Variants in CWC22 observed in about 807,000 individuals in gnomAD.
The protein encoded by CWC22 is CWC22 spliceosome associated protein.
A neutral mutation model predicts 117.2 loss-of-function variants in CWC22; 53 were observed. The observed-to-expected ratio is 0.45, with a 90% CI of 0.36 to 0.57. The LOEUF is 0.57. Ranked by LOEUF, CWC22 falls within the 20% of genes least tolerant of loss-of-function variation. The pLI is 0.00. For missense variants in CWC22, 980 were observed against 1,068.8 expected, an observed-to-expected ratio of 0.92 and a Z score of 1.16; for synonymous variants, 360 against 355.6, an observed-to-expected ratio of 1.01 and a Z score of -0.14.
intron 1 of CWC22, among the ~76,000 whole-genome samples, chr2:180,004,818 TGGAGGTA>T (rs1477854816): frequency 6.6e-6 from 1 of 151,854 alleles, no homozygotes; most frequent in African/African-American, 2.4e-5. Flanking sequence ...AAAAAGTGAT[TGGAGGTA>T]CCCTATCCAA....
intron 1 of CWC22, among the ~76,000 whole-genome samples, chr2:180,000,760 G>A (rs1163115479): frequency 6.6e-6 from 1 of 152,012 alleles, no homozygotes; most frequent in African/African-American, 2.4e-5. Context: ...CTGCAACTCT[G>A]TGTGGAGAGT....
intron 4 of CWC22, among the ~76,000 whole-genome samples, chr2:179,984,643 G>GA (rs978313916): frequency 7.9e-5 from 12 of 151,968 alleles, no homozygotes; most frequent in African/African-American, 2.9e-4. Flanking sequence ...TGAGAGTCAA[G>GA]TTTTAGAAAC....
In CWC22 at chr2:179,955,037, A is replaced by AT; in HGVS notation, c.1459-4dup. 1.3e-6 allele frequency: 2 copies of AT among 1,581,338 alleles called. No homozygotes were observed. Among genetic ancestry groups the AT allele is most frequent in the Non-Finnish European group, 1.7e-6 (2 of 1,158,960 alleles). The stretch of plus-strand genomic sequence containing the variant: ...AGTATCATGTTGCAGAGTTCTTTCT[A>AT]TTTGGGAAAAAAAATACATTAATGA... On this transcript the variant is annotated splice_region_variant and splice_polypyrimidine_tract_variant and intron_variant, in intron 14 of 19. Coordinates refer to ENST00000410053, the MANE Select transcript of CWC22 (RefSeq NM_020943.3).
chr2:179,970,303 A>G (rs1686998567), intron 11 of CWC22, among the ~76,000 whole-genome samples, 198 bp downstream of exon 11: 1 of 152,152 alleles, frequency 6.6e-6, no homozygotes, highest in African/African-American at 2.4e-5. Flanking sequence ...CAATGGGGTA[A>G]GTAATTCAGA....
At chr2:179,996,842 G>A (rs998323516) in intron 1 of CWC22, among the ~76,000 whole-genome samples, 5 of 134,276 alleles carry the variant, frequency 3.7e-5, no homozygotes, top group African/African-American at 1.4e-4. Context: ...AAAAAAAAAA[G>A]TTAACGTAGA....
intron 1 of CWC22, among the ~76,000 whole-genome samples, chr2:180,005,254 A>G (rs1227319649): frequency 6.6e-6 from 1 of 152,216 alleles, no homozygotes; most frequent in Admixed American, 6.5e-5. Context: ...GAGTTGGGAA[A>G]GACTCCATTA....
At chr2:179,961,615 T>C (rs1686751902) in intron 13 of CWC22, among the ~76,000 whole-genome samples, 1 of 152,012 alleles carries the variant, frequency 6.6e-6, no homozygotes, top group Admixed American at 6.6e-5. Context: ...AAATTAGTAC[T>C]GAGACAAAAT....
rs1687615278 is a variant in CWC22, at chr2:179,993,243, A to G, written c.27+72T>C. The G allele has an allele frequency of 3.2e-5, 35 of 1,100,364 alleles. 1 individual carries two copies. In the South Asian group the frequency reaches 4.3e-4, roughly 14 times the overall value. 68.2% of individuals were successfully genotyped at this position (1,100,364 alleles called of 1,614,324 possible). ...TGGCTCTGATGTCCTAATTACATAA[A>G]TGCATTTATATTTAAAGAATAGGTA... On this transcript the variant is annotated intron_variant, in intron 2 of 19. Coordinates refer to ENST00000410053, the MANE Select transcript of CWC22 (RefSeq NM_020943.3).
At chr2:179,986,901 T>C (rs1687432835) in intron 3 of CWC22, 96 bp from the exon 4 acceptor site, 1 of 587,492 alleles carries the variant, frequency 1.7e-6, no homozygotes, top group Non-Finnish European at 2.9e-6. Flanking sequence ...AGCAACTCTA[T>C]GACTGAACAA....
chr2:179,974,305 C>T (rs974877799), intron 6 of CWC22, among the ~76,000 whole-genome samples: 11 of 152,096 alleles, frequency 7.2e-5, no homozygotes, highest in Admixed American at 6.6e-4. Context: ...ATGTGGAATA[C>T]TCCTGTGAGA....
intron 1 of CWC22, among the ~76,000 whole-genome samples, chr2:180,005,884 G>A (rs1368263304): frequency 6.6e-6 from 1 of 152,166 alleles, no homozygotes; most frequent in Non-Finnish European, 1.5e-5. Flanking sequence ...CCTAATAATA[G>A]CTGGATAAAA....
intron 13 of CWC22, among the ~76,000 whole-genome samples, chr2:179,961,681 T>G (rs1686754225): frequency 6.6e-6 from 1 of 152,010 alleles, no homozygotes; most frequent in Non-Finnish European, 1.5e-5. Flanking sequence ...ACTACTTTTC[T>G]TTTATCTACT....
chr2:180,004,305 CT>C (rs1327786436), intron 1 of CWC22, among the ~76,000 whole-genome samples: 1 of 152,176 alleles, frequency 6.6e-6, no homozygotes, highest in African/African-American at 2.4e-5. Context: ...ACTGTGTTGT[CT>C]TTTGGGTGGT....
chr2:179,970,248 G>C (rs1425302322), intron 11 of CWC22, among the ~76,000 whole-genome samples: 2 of 152,130 alleles, frequency 1.3e-5, no homozygotes, highest in Non-Finnish European at 1.5e-5. Flanking sequence ...TCTTAAGATG[G>C]GTGAGACGTA....
At chr2:179,978,368 G>T (rs200107463) in intron 5 of CWC22, 50 bp from the exon 6 acceptor site, 118 of 1,379,900 alleles carry the variant, frequency 8.6e-5, no homozygotes, top group Non-Finnish European at 9.8e-5. Context: ...ACAATAATAA[G>T]AAGCTATAAG....
intron 5 of CWC22, among the ~76,000 whole-genome samples, chr2:179,981,534 A>T (rs1008850072): frequency 2.6e-5 from 4 of 152,182 alleles, no homozygotes; most frequent in Non-Finnish European, 5.9e-5. Context: ...TTTTTAATTC[A>T]TTCATGCAAA....
chr2:179,987,100 A>G (rs371114037), intron 3 of CWC22, among the ~76,000 whole-genome samples: 140 of 152,184 alleles, frequency 9.2e-4, no homozygotes, highest in African/African-American at 3.2e-3. Flanking sequence ...TATCATATAT[A>G]GTTAGCATGA....
In CWC22 at chr2:179,964,877, T is replaced by C. The variant is rs555224790; in HGVS notation, c.1316-249A>G. Among the ~76,000 whole-genome samples the C allele has an allele frequency of 2.0e-5, 3 of 152,312 alleles. No individual in the cohort carries two copies. In the East Asian group the frequency reaches 5.8e-4, roughly 29 times the overall value. On this transcript the variant is annotated intron_variant, in intron 12 of 19. Coordinates refer to ENST00000410053, the MANE Select transcript of CWC22 (RefSeq NM_020943.3). ...GAAAACTATTTTTGTTTATCTGTTATCTGCTCATTTAGACACTATAAAAGG... is the reference window on the plus strand; with the variant it reads ...GAAAACTATTTTTGTTTATCTGTTACCTGCTCATTTAGACACTATAAAAGG...
intron 1 of CWC22, among the ~76,000 whole-genome samples, chr2:179,997,143 T>C (rs567508698): frequency 2.2e-4 from 33 of 152,200 alleles, no homozygotes; most frequent in Middle Eastern, 3.4e-3. Flanking sequence ...AAATTATGTC[T>C]TGAGGGGTTA....
Sources: gnomAD v4.1 joint callset for allele counts (sites outside exome capture counted in the v4.1 genomes callset) on GRCh38, gnomAD v4.1.1 for gene constraint, MANE v1.5 for transcripts, NCBI Gene and HGNC (gene_info 2026-07-23, HGNC 2026-07-21) for gene names.